The following TANC1 variants were observed in gnomAD, a reference collection of about 807,000 sequenced individuals.
The protein encoded by TANC1 is tetratricopeptide repeat, ankyrin repeat and coiled-coil containing 1.
TANC1 carries 77 observed loss-of-function variants against 149.7 expected under a neutral mutation model. The observed-to-expected ratio is 0.51, with a 90% confidence interval of 0.43 to 0.62. The LOEUF is 0.62. TANC1 is among the 20% of genes least tolerant of loss of function. The pLI, the probability that TANC1 is intolerant of heterozygous loss-of-function variation, is 0.00. For synonymous variants in TANC1, 854 were observed against 925.0 expected, an observed-to-expected ratio of 0.92 and a Z score of 1.39; for missense variants, 1,985 against 2,321.8, an observed-to-expected ratio of 0.85 and a Z score of 2.98.
At chr2:159,080,317 GA>G (rs2044139424) in intron 3 of TANC1, among the ~76,000 whole-genome samples, 1 of 90,124 alleles carries the variant, frequency 1.1e-5, no homozygotes, top group Non-Finnish European at 3.6e-5. Context: ...GAAGAGAGCA[GA>G]GAGTGTCAGG....
intron 12 of TANC1, among the ~76,000 whole-genome samples, chr2:159,175,627 ATTGT>A (rs2055767846): frequency 6.6e-6 from 1 of 152,158 alleles, no homozygotes; most frequent in Admixed American, 6.5e-5. Flanking sequence ...TTCCATTTTA[ATTGT>A]TTGTCCCCGA....
At chr2:158,991,259 A>T (rs1019133887) in intron 1 of TANC1, among the ~76,000 whole-genome samples, 5 of 152,122 alleles carry the variant, frequency 3.3e-5, no homozygotes, top group Admixed American at 3.3e-4. Context: ...AATACAAGGA[A>T]AAATAATATA....
intron 4 of TANC1, among the ~76,000 whole-genome samples, chr2:159,131,642 T>C (rs1487907645): frequency 6.6e-6 from 1 of 152,080 alleles, no homozygotes; most frequent in Non-Finnish European, 1.5e-5. Flanking sequence ...CTTTCCCCAC[T>C]GGTCTTTCTT....
chr2:159,128,677 T>C (rs1031731616), intron 4 of TANC1, among the ~76,000 whole-genome samples: 2 of 152,188 alleles, frequency 1.3e-5, no homozygotes, highest in Non-Finnish European at 2.9e-5. Context: ...GTTCCTGTTA[T>C]AAAGACTCCC....
At chr2:159,146,303 A>G (rs552281233) in intron 5 of TANC1, among the ~76,000 whole-genome samples, 1 of 152,326 alleles carries the variant, frequency 6.6e-6, no homozygotes, top group African/African-American at 2.4e-5. Flanking sequence ...GGACCTTTTA[A>G]GGGGATGATC....
chr2:159,138,891 A>C (rs2051063628), intron 5 of TANC1, among the ~76,000 whole-genome samples: 1 of 152,182 alleles, frequency 6.6e-6, no homozygotes. Flanking sequence ...AGCTCCATCA[A>C]CTCTTGATTC....
intron 2 of TANC1, among the ~76,000 whole-genome samples, chr2:159,017,460 T>C (rs1056581836): frequency 4.6e-5 from 7 of 152,164 alleles, no homozygotes; most frequent in Non-Finnish European, 8.8e-5. Flanking sequence ...GTCTTCTGCC[T>C]GACTCAAGAT....
intron 4 of TANC1, 114 bp from the exon 5 acceptor site, chr2:159,136,080 C>T: frequency 1.6e-6 from 1 of 615,974 alleles, no homozygotes; most frequent in South Asian, 1.8e-5. Context: ...GAGGGGAAGG[C>T]ACTGGCTCTT....
chr2:159,196,766 C>T lies in TANC1; in HGVS notation c.3138C>T (p.Thr1046=), dbSNP rs372804215. The T allele has an allele frequency of 8.5e-5, 137 of 1,612,546 alleles. No homozygotes were observed. Among genetic ancestry groups the T allele is most frequent in the Middle Eastern group, 3.3e-4 (2 of 6,010 alleles). ...GCCACGCCCTGCAGCAGGCGCTGAC[C>T]GCGGCGGCCAGCATGGGCCACAGCT... The part of the protein sequence containing the change: ...RKSHALQQAL[T]AAASMGHSSV... Residue 1046 remains threonine (T), a synonymous_variant, in exon 18 of 27, where the codon ACC becomes ACT. Transcript: ENST00000263635.
chr2:159,186,824 T>G (rs2057005358), intron 15 of TANC1, 78 bp from the exon 16 acceptor site: 2 of 1,589,214 alleles, frequency 1.3e-6, no homozygotes, highest in African/African-American at 2.7e-5. Context: ...ACTTTCAGAG[T>G]GACCCTGCAG....
intron 4 of TANC1, among the ~76,000 whole-genome samples, chr2:159,101,975 A>G (rs1052526433): frequency 2.6e-5 from 4 of 152,186 alleles, no homozygotes; most frequent in Admixed American, 1.3e-4. Context: ...TCTGTCTCAC[A>G]GTGGACATAG....
intron 19 of TANC1, among the ~76,000 whole-genome samples, chr2:159,214,973 C>T (rs1157362851): frequency 6.6e-6 from 1 of 152,200 alleles, no homozygotes; most frequent in Non-Finnish European, 1.5e-5. Flanking sequence ...TGGCCCTGAG[C>T]TCCCTGGGCT....
chr2:159,101,261 A>G (rs1013150759), intron 4 of TANC1, among the ~76,000 whole-genome samples: 4 of 152,244 alleles, frequency 2.6e-5, no homozygotes, highest in African/African-American at 9.6e-5. Flanking sequence ...GACTGGAACA[A>G]TTATTCTTGC....
chr2:159,070,521 G>A (rs190294453), intron 3 of TANC1, among the ~76,000 whole-genome samples: 5 of 152,300 alleles, frequency 3.3e-5, no homozygotes, highest in East Asian at 3.9e-4. Flanking sequence ...TTGTATCACA[G>A]AGTAGTTTCA....
At chr2:159,229,498 G>T in intron 26 of TANC1, 80 bp from the exon 27 acceptor site, 1 of 1,207,438 alleles carries the variant, frequency 8.3e-7, no homozygotes, top group Non-Finnish European at 1.2e-6. Context: ...TTTCCTTTGA[G>T]CACAGCTCTT....
intron 3 of TANC1, among the ~76,000 whole-genome samples, chr2:159,091,960 A>G (rs906114303): frequency 2.9e-5 from 3 of 103,316 alleles, no homozygotes; most frequent in East Asian, 2.1e-4. Context: ...TTCTGTAAAT[A>G]TAGGGGGGGG....
At position 159,229,512 on chromosome 2, in the gene TANC1, T is replaced by G. The variant is rs2060221380; in HGVS notation, c.4152-66T>G. 6 of 1,304,616 alleles carry G rather than the reference T, an allele frequency of 4.6e-6. No individual in the cohort carries two copies. The South Asian group carries it at 6.9e-5, about 15-fold the overall frequency. 80.8% of individuals were successfully genotyped at this position (1,304,616 alleles called of 1,614,324 possible). A position where few individuals can be genotyped will look rare whatever the true frequency, so the allele number is the denominator to read the frequency against. ...CTTTCCTTTGAGCACAGCTCTTTTA[T>G]GAACAGTTACACTCTGAGCATGTTC... On this transcript the variant is annotated intron_variant, in intron 26 of 26. Transcript: ENST00000263635.
At chr2:159,007,499 T>A (rs1034384103) in intron 2 of TANC1, among the ~76,000 whole-genome samples, 1 of 152,198 alleles carries the variant, frequency 6.6e-6, no homozygotes, top group Non-Finnish European at 1.5e-5. Context: ...AAGTACTTAC[T>A]ATTGTTTTAC....
At chr2:159,087,529 A>G (rs1425267853) in intron 3 of TANC1, among the ~76,000 whole-genome samples, 2 of 140,732 alleles carry the variant, frequency 1.4e-5, no homozygotes. Context: ...TTTTTTTGAC[A>G]CAGGGTCTCC....
Sources: gnomAD v4.1 joint callset for allele counts (sites outside exome capture counted in the v4.1 genomes callset) on GRCh38, gnomAD v4.1.1 for gene constraint, MANE v1.5 for transcripts, NCBI Gene and HGNC (gene_info 2026-07-23, HGNC 2026-07-21) for gene names.